Variants in ANKRD28 observed in about 807,000 individuals in gnomAD.
ANKRD28 encodes the protein ankyrin repeat domain 28.
ANKRD28 carries 44 observed loss-of-function variants against 126.5 expected under a neutral mutation model. That is an observed-to-expected ratio of 0.35 (90% CI 0.27 to 0.45). The LOEUF (loss-of-function observed/expected upper bound fraction) is 0.45. Among genes scored for constraint, ANKRD28 ranks in the 20% least tolerant of loss-of-function variants. The pLI is 1.00. For missense variants in ANKRD28, 1,110 were observed against 1,316.6 expected (o/e 0.84, Z 2.43); for synonymous variants, 442 against 468.5 (o/e 0.94, Z 0.73).
At chr3:15,683,529 A>G (rs1362037672) in intron 21 of ANKRD28, among the ~76,000 whole-genome samples, 1 of 152,212 alleles carries the variant, frequency 6.6e-6, no homozygotes, top group Non-Finnish European at 1.5e-5. Context: ...GATTTAAGGT[A>G]GTAAAAAACA....
At chr3:15,825,696 A>T (rs1436915595) in intron 1 of ANKRD28, among the ~76,000 whole-genome samples, 1 of 152,212 alleles carries the variant, frequency 6.6e-6, no homozygotes, top group Non-Finnish European at 1.5e-5. Flanking sequence ...TAGACTAGCC[A>T]CAGATTGAGA....
chr3:15,821,867 G>C (rs926389279), intron 1 of ANKRD28, among the ~76,000 whole-genome samples: 2 of 152,140 alleles, frequency 1.3e-5, no homozygotes, highest in Non-Finnish European at 2.9e-5. Flanking sequence ...GAAGGATTGG[G>C]TCAAGGGCTT....
chr3:15,703,345 T>C (rs139171137), intron 14 of ANKRD28, among the ~76,000 whole-genome samples: 21 of 152,312 alleles, frequency 1.4e-4, no homozygotes, highest in African/African-American at 3.9e-4. Context: ...GGTCTAAATG[T>C]TTATGTCCCC....
intron 3 of ANKRD28, among the ~76,000 whole-genome samples, chr3:15,754,868 G>A (rs1207737357): frequency 6.6e-6 from 1 of 152,168 alleles, no homozygotes; most frequent in East Asian, 1.9e-4. Context: ...TGTAATCCCA[G>A]TACTTTGGGA....
At chr3:15,711,625 G>A (rs2072290430) in intron 11 of ANKRD28, among the ~76,000 whole-genome samples, 1 of 152,074 alleles carries the variant, frequency 6.6e-6, no homozygotes, top group South Asian at 2.1e-4. Flanking sequence ...CTAGGGCTGA[G>A]GGAAGAAAGA....
chr3:15,689,964 G>GA (rs570570278), intron 18 of ANKRD28, 55 bp downstream of exon 18: 5 of 1,399,686 alleles, frequency 3.6e-6, no homozygotes, highest in Non-Finnish European at 4.8e-6. Flanking sequence ...ATCAGAAATT[G>GA]AAAAAAAGTA....
At chr3:15,716,784 G>A (rs963832230) in intron 8 of ANKRD28, among the ~76,000 whole-genome samples, 16 of 152,160 alleles carry the variant, frequency 1.1e-4, no homozygotes, top group African/African-American at 3.1e-4. Flanking sequence ...TACATAGCAC[G>A]TTTCACGCAC....
intron 3 of ANKRD28, among the ~76,000 whole-genome samples, chr3:15,758,928 T>C (rs1032811100): frequency 4.6e-5 from 7 of 152,196 alleles, no homozygotes; most frequent in Admixed American, 4.6e-4. Flanking sequence ...TTTTGACAAA[T>C]GCCTTCCACA....
At chr3:15,758,034 A>G (rs960103200) in intron 3 of ANKRD28, among the ~76,000 whole-genome samples, 6 of 152,222 alleles carry the variant, frequency 3.9e-5, no homozygotes, top group African/African-American at 1.2e-4. Flanking sequence ...AACGTTAGCC[A>G]ACCTCTGATC....
chr3:15,704,822 C>T (rs1009142783), intron 14 of ANKRD28, among the ~76,000 whole-genome samples: 2 of 152,136 alleles, frequency 1.3e-5, no homozygotes, highest in African/African-American at 4.8e-5. Context: ...CTTATATTTT[C>T]CACTAGGCTC....
intron 1 of ANKRD28, among the ~76,000 whole-genome samples, chr3:15,807,118 T>C (rs1222320440): frequency 6.6e-6 from 1 of 152,172 alleles, no homozygotes; most frequent in African/African-American, 2.4e-5. Context: ...CATAGCCACA[T>C]GTTAATTGTT....
intron 1 of ANKRD28, among the ~76,000 whole-genome samples, chr3:15,809,180 T>C (rs185593663): frequency 6.6e-6 from 1 of 152,306 alleles, no homozygotes; most frequent in African/African-American, 2.4e-5. Context: ...TCTCCCACTT[T>C]TAGTCAGTCA....
At chr3:15,810,200 G>A (rs2060682970) in intron 1 of ANKRD28, among the ~76,000 whole-genome samples, 1 of 152,050 alleles carries the variant, frequency 6.6e-6, no homozygotes, top group Non-Finnish European at 1.5e-5. Flanking sequence ...ACAGTCAGTA[G>A]GCTATCACAA....
chr3:15,695,163 TG>T, intron 16 of ANKRD28, 24 bp downstream of exon 16: 1 of 1,576,104 alleles, frequency 6.3e-7, no homozygotes, highest in Non-Finnish European at 8.7e-7. Context: ...TACTAATTGG[TG>T]GGAGGGAATT....
At position 15,727,793 on chromosome 3, in the gene ANKRD28, A is replaced by G. The variant is rs111850188; in HGVS notation, c.641-3269T>C. ...CTGAAGATGTGCCTGAATTGCTATA[A>G]TCTCATGATAAAATGTGAACAGATG... On this transcript the variant is annotated intron_variant, in intron 6 of 27. Coordinates refer to ENST00000683139, the MANE Select transcript of ANKRD28 (RefSeq NM_001349278.2). Among the ~76,000 whole-genome samples, 533 of 152,260 alleles carry G rather than the reference A, an allele frequency of 3.5e-3. 6 individuals carry two copies. The highest frequency in any genetic ancestry group is 0.012 in the African/African-American group (514 of 41,534).
chr3:15,686,122 G>A lies in ANKRD28; in HGVS notation c.2052-3C>T. On this transcript the variant is annotated splice_polypyrimidine_tract_variant and splice_region_variant and intron_variant, in intron 19 of 27. Coordinates refer to ENST00000683139, the MANE Select transcript of ANKRD28 (RefSeq NM_001349278.2). The stretch of plus-strand genomic sequence containing the variant: ...GAACAGATAGCATCAGAGGCGTCCT[G>A]AGCAACAACAGGAATAGGTTCAGTG... 1 of 1,611,706 alleles carries A rather than the reference G, an allele frequency of 6.2e-7. No homozygotes were observed. The highest frequency in any genetic ancestry group is 8.5e-7 in the Non-Finnish European group (1 of 1,178,708).
intron 1 of ANKRD28, among the ~76,000 whole-genome samples, chr3:15,807,929 G>C (rs1480611782): frequency 1.3e-5 from 2 of 152,162 alleles, no homozygotes; most frequent in Admixed American, 6.5e-5. Flanking sequence ...TATGGGGCAG[G>C]GATAAACATC....
intron 18 of ANKRD28, 42 bp downstream of exon 18, chr3:15,689,977 G>A: frequency 6.7e-7 from 1 of 1,497,162 alleles, no homozygotes; most frequent in Non-Finnish European, 9.1e-7. Context: ...AAAAAGTATT[G>A]GATAGAAGTT....
At chr3:15,820,326 C>T (rs2060915996) in intron 1 of ANKRD28, among the ~76,000 whole-genome samples, 1 of 152,090 alleles carries the variant, frequency 6.6e-6, no homozygotes. Context: ...TTATACCTGA[C>T]AGTCTTTCTT....
Sources: gnomAD v4.1 joint callset for allele counts (sites outside exome capture counted in the v4.1 genomes callset) on GRCh38, gnomAD v4.1.1 for gene constraint, MANE v1.5 for transcripts, NCBI Gene and HGNC (gene_info 2026-07-23, HGNC 2026-07-21) for gene names.